CFAP54: variants seen among roughly 807,000 people sequenced by gnomAD.
CFAP54 encodes cilia- and flagella-associated protein 54.
Under a neutral mutation model 370.4 loss-of-function variants are expected in CFAP54, and 290 were observed. The observed-to-expected ratio is 0.78, with a 90% CI of 0.71 to 0.86. CFAP54 has a LOEUF of 0.86. Among genes scored for constraint, CFAP54 ranks in the 40% least tolerant of loss-of-function variants. CFAP54 has a pLI of 0.00. For missense variants in CFAP54, 3,399 were observed against 3,528.7 expected (o/e 0.96, Z 0.93); for synonymous variants, 1,206 against 1,236.5 (o/e 0.98, Z 0.52).
chr12:96,720,385 G>A lies in CFAP54; in HGVS notation c.6805-20G>A, dbSNP rs1414665724. On this transcript the variant is annotated intron_variant, in intron 49 of 67. Coordinates refer to ENST00000524981, the MANE Select transcript of CFAP54 (RefSeq NM_001306084.2). ...TGTATTATTTCTGAACTCACGTGAT[G>A]TATGGTATCCTTTCCTTAGTCGATG... is the stretch of plus-strand genomic sequence containing the variant. 3 of 1,415,464 alleles carry A rather than the reference G, an allele frequency of 2.1e-6. No homozygotes were observed. In the South Asian group the frequency reaches 5.1e-5, roughly 24 times the overall value. 87.7% of individuals were successfully genotyped at this position (1,415,464 alleles called of 1,614,324 possible).
chr12:96,751,909 A>G (rs1413430729), intron 55 of CFAP54, among the ~76,000 whole-genome samples: 1 of 152,114 alleles, frequency 6.6e-6, no homozygotes, highest in East Asian at 1.9e-4. Context: ...TGTAGGTGTC[A>G]GCTGTTCTTC....
intron 25 of CFAP54, among the ~76,000 whole-genome samples, chr12:96,595,525 A>G (rs1467540766): frequency 3.3e-5 from 5 of 152,174 alleles, no homozygotes; most frequent in African/African-American, 9.7e-5. Flanking sequence ...AGAAGATGTG[A>G]GTGAACTCAC....
At chr12:96,535,486 T>C in intron 11 of CFAP54, 29 bp from the exon 12 acceptor site, 1 of 1,420,236 alleles carries the variant, frequency 7.0e-7, no homozygotes, top group Non-Finnish European at 9.5e-7. Context: ...GATTTTTTTG[T>C]TTCATTTTCC....
At chr12:96,831,752 T>G (rs1464953011) in intron 66 of CFAP54, among the ~76,000 whole-genome samples, 2 of 152,248 alleles carry the variant, frequency 1.3e-5, no homozygotes, top group African/African-American at 4.8e-5. Flanking sequence ...CAGTGCCTTG[T>G]ACACCACATC....
intron 63 of CFAP54, among the ~76,000 whole-genome samples, chr12:96,807,007 G>T (rs540032579): frequency 1.2e-4 from 19 of 152,270 alleles, no homozygotes; most frequent in African/African-American, 4.1e-4. Context: ...ATTCAAGTTT[G>T]TGAAGCACTG....
chr12:96,596,036 A>G (rs1956175066), intron 25 of CFAP54, among the ~76,000 whole-genome samples: 1 of 152,164 alleles, frequency 6.6e-6, no homozygotes, highest in Non-Finnish European at 1.5e-5. Context: ...GAATGTCCAG[A>G]AAGTTCATAT....
chr12:96,697,231 C>T (rs1476199903), intron 45 of CFAP54, among the ~76,000 whole-genome samples: 1 of 152,092 alleles, frequency 6.6e-6, no homozygotes, highest in African/African-American at 2.4e-5. Context: ...TTCAAATGGT[C>T]AGATTGGTAT....
At chr12:96,678,481 A>G (rs1957236235) in intron 39 of CFAP54, among the ~76,000 whole-genome samples, 1 of 152,004 alleles carries the variant, frequency 6.6e-6, no homozygotes, top group Non-Finnish European at 1.5e-5. Context: ...CAAACTCCTA[A>G]CCTCAAGTGA....
chr12:96,647,519 C>T (rs1956810070), intron 33 of CFAP54, among the ~76,000 whole-genome samples: 1 of 129,622 alleles, frequency 7.7e-6, no homozygotes, highest in South Asian at 2.6e-4. Flanking sequence ...ATTATGGACA[C>T]ATTACTATAT....
At chr12:96,546,839 A>C (rs74571179) in intron 14 of CFAP54, among the ~76,000 whole-genome samples, 8,835 of 150,914 alleles carry the variant, frequency 0.059, 618 homozygotes, top group African/African-American at 0.16. Context: ...AAAAAAAAAA[A>C]CAACTCTATT....
intron 60 of CFAP54, among the ~76,000 whole-genome samples, chr12:96,773,804 C>T (rs1364300283): frequency 1.3e-5 from 2 of 152,114 alleles, no homozygotes; most frequent in Admixed American, 6.5e-5. Flanking sequence ...CTATTACATT[C>T]ATCTGTACAT....
chr12:96,520,298 C>T (rs1322397477), intron 6 of CFAP54, among the ~76,000 whole-genome samples: 1 of 152,128 alleles, frequency 6.6e-6, no homozygotes, highest in Non-Finnish European at 1.5e-5. Flanking sequence ...AATCCCAGCA[C>T]TTTGGGAGGC....
At chr12:96,577,758 G>C (rs1361352543) in intron 20 of CFAP54, among the ~76,000 whole-genome samples, 1 of 151,928 alleles carries the variant, frequency 6.6e-6, no homozygotes, top group African/African-American at 2.4e-5. Flanking sequence ...AAGTAGTAAA[G>C]CTTACTCAAA....
intron 4 of CFAP54, among the ~76,000 whole-genome samples, chr12:96,508,506 G>C (rs930010559): frequency 1.3e-5 from 2 of 151,018 alleles, no homozygotes; most frequent in African/African-American, 4.9e-5. Flanking sequence ...GGCTGGTCTT[G>C]AACTCCTGAC....
intron 39 of CFAP54, among the ~76,000 whole-genome samples, chr12:96,668,922 A>G (rs1322216746): frequency 7.2e-5 from 11 of 152,208 alleles, no homozygotes; most frequent in African/African-American, 2.4e-4. Flanking sequence ...TTCAGCAAAC[A>G]TTTACTGAGT....
chr12:96,852,650 A>G (rs1959582042), intron 66 of CFAP54, among the ~76,000 whole-genome samples: 3 of 152,138 alleles, frequency 2.0e-5, no homozygotes, highest in Admixed American at 2.0e-4. Context: ...TACCAATCAT[A>G]AAGAAAAGAC....
chr12:96,705,672 G>A (rs931925388), intron 47 of CFAP54, among the ~76,000 whole-genome samples: 1 of 152,050 alleles, frequency 6.6e-6, no homozygotes, highest in African/African-American at 2.4e-5. Flanking sequence ...GAGACTAACA[G>A]TATAATGGAA....
At chr12:96,613,091 C>G (rs7294512) in intron 26 of CFAP54, among the ~76,000 whole-genome samples, 2,467 of 152,322 alleles carry the variant, frequency 0.016, 36 homozygotes, top group African/African-American at 0.036. Context: ...ACACATTGCA[C>G]TTATTCCAAA....
intron 39 of CFAP54, among the ~76,000 whole-genome samples, chr12:96,664,689 G>GTATATATATGTATATA (rs1274516967): frequency 5.3e-4 from 14 of 26,296 alleles, no homozygotes; most frequent in African/African-American, 2.9e-3. Context: ...ATTCCTTTGG[G>GTATATATATGTATATA]TATATATCTA....
Sources: allele counts gnomAD v4.1 joint callset (sites outside exome capture counted in the v4.1 genomes callset), GRCh38; gene constraint gnomAD v4.1.1; transcripts MANE v1.5; gene names NCBI Gene and HGNC (gene_info 2026-07-23, HGNC 2026-07-21).